The following PTPRR variants were observed in gnomAD, a reference collection of about 807,000 sequenced individuals.
PTPRR encodes receptor-type tyrosine-protein phosphatase R.
A neutral mutation model predicts 77.2 loss-of-function variants in PTPRR; 38 were observed. That is an observed-to-expected ratio of 0.49 (90% CI 0.38 to 0.65). The LOEUF (loss-of-function observed/expected upper bound fraction) is 0.65, where lower values mean the gene tolerates loss of function less well. Ranked by LOEUF, PTPRR falls within the 30% of genes least tolerant of loss-of-function variation. PTPRR has a pLI of 0.00. For synonymous variants in PTPRR, 299 were observed against 283.1 expected (o/e 1.06, Z -0.57); for missense variants, 744 against 799.2 (o/e 0.93, Z 0.83).
chr12:70,701,216 T>G lies in PTPRR; in HGVS notation c.1115A>C (p.Gln372Pro). 1 of 1,614,010 alleles carries G rather than the reference T, an allele frequency of 6.2e-7. No homozygotes were observed. Among genetic ancestry groups the G allele is most frequent in the Admixed American group, 1.7e-5 (1 of 59,950 alleles). Reference sequence around the variant, plus strand: ...CCTTGTGAGAATTCGGCTGGCTGACTGCAGATACTCCATTGCTACCTTCTC... The same window carrying G: ...CCTTGTGAGAATTCGGCTGGCTGACGGCAGATACTCCATTGCTACCTTCTC... Reference protein sequence around the residue: ...PREKVAMEYLQSASRILTRSQ... With the variant: ...PREKVAMEYLPSASRILTRSQ... The change falls in exon 7 of 14, where the codon CAG becomes CCG. Residue 372 changes from glutamine to proline, a missense_variant. By Grantham distance (76) the Gln-to-Pro change is moderately conservative (BLOSUM62 -1). Coordinates refer to ENST00000283228, the MANE Select transcript of PTPRR (RefSeq NM_002849.4).
chr12:70,788,767 C>A (rs1224779017), intron 2 of PTPRR: 1 of 1,267,818 alleles, frequency 7.9e-7, no homozygotes, highest in Admixed American at 2.0e-5. Flanking sequence ...CTCCTAAGCT[C>A]TTAACATTAC....
intron 2 of PTPRR, among the ~76,000 whole-genome samples, chr12:70,771,548 A>T (rs1241221845): frequency 6.6e-6 from 1 of 152,176 alleles, no homozygotes; most frequent in Non-Finnish European, 1.5e-5. Context: ...ATCTAAAATA[A>T]AAGTTGATTT....
chr12:70,677,903 A>G (rs372326378), intron 10 of PTPRR, among the ~76,000 whole-genome samples: 192 of 152,278 alleles, frequency 1.3e-3, no homozygotes, highest in Non-Finnish European at 2.1e-3. Context: ...GTGCTAGGGT[A>G]ATGCTGGCCT....
intron 1 of PTPRR, among the ~76,000 whole-genome samples, chr12:70,904,538 T>C (rs1893590882): frequency 6.6e-6 from 1 of 151,846 alleles, no homozygotes; most frequent in Non-Finnish European, 1.5e-5. Flanking sequence ...TATTTGGGTG[T>C]AGGAGTTGGA....
At chr12:70,834,469 G>A (rs553997873) in intron 2 of PTPRR, among the ~76,000 whole-genome samples, 1 of 152,224 alleles carries the variant, frequency 6.6e-6, no homozygotes, top group East Asian at 1.9e-4. Flanking sequence ...TGCAAAATTG[G>A]CTCACTTTCT....
chr12:70,888,228 C>T (rs569833904), intron 2 of PTPRR, among the ~76,000 whole-genome samples: 16 of 152,248 alleles, frequency 1.1e-4, no homozygotes, highest in Non-Finnish European at 2.1e-4. Context: ...ATAATACTCG[C>T]ATAGTTCTTA....
chr12:70,893,487 G>A (rs1447501577), intron 1 of PTPRR, among the ~76,000 whole-genome samples: 1 of 151,760 alleles, frequency 6.6e-6, no homozygotes, highest in Non-Finnish European at 1.5e-5. Flanking sequence ...TACTTATTGT[G>A]GTAGCAACTT....
At chr12:70,794,085 T>C (rs990084647) in intron 2 of PTPRR, among the ~76,000 whole-genome samples, 2 of 152,196 alleles carry the variant, frequency 1.3e-5, no homozygotes, top group Non-Finnish European at 2.9e-5. Flanking sequence ...AGGGAGAAGA[T>C]GGTAGCTAGT....
intron 2 of PTPRR, among the ~76,000 whole-genome samples, chr12:70,862,151 T>C (rs1380200325): frequency 6.6e-6 from 1 of 152,034 alleles, no homozygotes; most frequent in Non-Finnish European, 1.5e-5. Context: ...TTAGGAGAGT[T>C]TGAGCAAATT....
chr12:70,695,812 G>T (rs999848777), intron 8 of PTPRR, among the ~76,000 whole-genome samples: 43 of 152,032 alleles, frequency 2.8e-4, no homozygotes, highest in African/African-American at 1.0e-3. Flanking sequence ...GCCAAGTATA[G>T]TCATAAAATA....
intron 6 of PTPRR, among the ~76,000 whole-genome samples, chr12:70,705,032 T>TA (rs1192701193): frequency 1.6e-4 from 25 of 152,010 alleles, no homozygotes; most frequent in African/African-American, 5.8e-4. Context: ...ATTCAAAAGA[T>TA]ACCAATGCAA....
rs1038958157 is a variant in PTPRR, at chr12:70,731,726, G to T, written c.1007+14092C>A. 3.3e-5 allele frequency among the ~76,000 whole-genome samples: 5 copies of T among 152,262 alleles called. No homozygotes were observed. The South Asian group carries it at 6.2e-4, about 19-fold the overall frequency. On this transcript the variant is annotated intron_variant, in intron 6 of 13. Transcript: ENST00000283228. ...TGGATGTTTTAGAGCTGAAATAGAC[G>T]AATATGTCTAACTCCCATGAGTAAG...
At chr12:70,821,616 C>T (rs1446342956) in intron 2 of PTPRR, among the ~76,000 whole-genome samples, 2 of 151,910 alleles carry the variant, frequency 1.3e-5, no homozygotes, top group Non-Finnish European at 2.9e-5. Flanking sequence ...GGAGCTTACT[C>T]TGTGAGGGAG....
intron 2 of PTPRR, among the ~76,000 whole-genome samples, chr12:70,861,457 G>A (rs1448607359): frequency 6.6e-6 from 1 of 152,116 alleles, no homozygotes; most frequent in African/African-American, 2.4e-5. Context: ...CCTGGCATAT[G>A]AAAAATAGGA....
At chr12:70,825,991 AATTG>A (rs948615099) in intron 2 of PTPRR, among the ~76,000 whole-genome samples, 11 of 152,306 alleles carry the variant, frequency 7.2e-5, no homozygotes, top group African/African-American at 2.4e-4. Context: ...GATTCATATA[AATTG>A]ATTATTGATC....
chr12:70,890,445 C>CT (rs1409242451), intron 2 of PTPRR, among the ~76,000 whole-genome samples: 3 of 152,014 alleles, frequency 2.0e-5, no homozygotes, highest in Admixed American at 1.3e-4. Flanking sequence ...CTTTCATGCC[C>CT]TTTTTAAAGG....
chr12:70,658,883 G>GTTTTTTTTTTTTTTTTTTTTTTTTT lies in PTPRR; in HGVS notation c.1766+2032_1766+2056dup, dbSNP rs746595856. On this transcript the variant is annotated intron_variant, in intron 12 of 13. Transcript: ENST00000283228. ...TTCAACGTTAGGGACTTTTGCTCTA[G>GTTTTTTTTTTTTTTTTTTTTTTTTT]TTTTTTTTTTTTTTTTTTTTTTTTT... is the stretch of plus-strand genomic sequence containing the variant. 2.2e-4 allele frequency among the ~76,000 whole-genome samples: 8 copies of GTTTTTTTTTTTTTTTTTTTTTTTTT among 36,926 alleles called. 2 individuals are homozygous for GTTTTTTTTTTTTTTTTTTTTTTTTT. Among genetic ancestry groups the GTTTTTTTTTTTTTTTTTTTTTTTTT allele is most frequent in the Non-Finnish European group, 3.4e-4 (7 of 20,630 alleles). 24.2% of individuals were successfully genotyped at this position (36,926 alleles called of 152,430 possible). A position where few individuals can be genotyped will look rare whatever the true frequency, so the allele number is the denominator to read the frequency against.
chr12:70,898,392 C>A (rs1460816815), intron 1 of PTPRR, among the ~76,000 whole-genome samples: 2 of 150,340 alleles, frequency 1.3e-5, no homozygotes, highest in African/African-American at 4.9e-5. Flanking sequence ...TTTAGTTGTT[C>A]TCTTATTTAT....
intron 1 of PTPRR, among the ~76,000 whole-genome samples, chr12:70,904,812 G>C (rs1893596189): frequency 6.6e-6 from 1 of 151,814 alleles, no homozygotes; most frequent in East Asian, 1.9e-4. Context: ...GTTGGGAAGG[G>C]ACAGAAAGCT....
Sources: gnomAD v4.1 joint callset for allele counts (sites outside exome capture counted in the v4.1 genomes callset) on GRCh38, gnomAD v4.1.1 for gene constraint, MANE v1.5 for transcripts, NCBI Gene and HGNC (gene_info 2026-07-23, HGNC 2026-07-21) for gene names.